Variants in EBF1 observed in about 807,000 individuals in gnomAD.
The protein encoded by EBF1 is EBF transcription factor 1.
In EBF1, 10 loss-of-function variants were observed where a neutral mutation model predicts 68.4. The ratio of observed to expected loss-of-function variants is 0.15; its 90% CI spans 0.09 to 0.25. EBF1 has a LOEUF of 0.25. EBF1 is among the 10% of genes least tolerant of loss of function. The pLI is 1.00. For synonymous variants in EBF1, 298 were observed against 299.8 expected, an observed-to-expected ratio of 0.99 and a Z score of 0.06; for missense variants, 509 against 794.4, an observed-to-expected ratio of 0.64 and a Z score of 4.32.
At chr5:158,796,643 T>G (rs1481669360) in intron 8 of EBF1, among the ~76,000 whole-genome samples, 168 bp from the exon 9 acceptor site, 16 of 152,190 alleles carry the variant, frequency 1.1e-4, no homozygotes, top group Admixed American at 9.8e-4. Flanking sequence ...AACTTCAGGG[T>G]GCAACTTCAG....
intron 11 of EBF1, among the ~76,000 whole-genome samples, chr5:158,725,134 C>A (rs1042288782): frequency 6.6e-6 from 1 of 152,128 alleles, no homozygotes; most frequent in South Asian, 2.1e-4. Flanking sequence ...GAGAAGCTAC[C>A]GTGAGGATTT....
intron 10 of EBF1, among the ~76,000 whole-genome samples, chr5:158,764,992 T>C (rs1264787859): frequency 6.6e-6 from 1 of 152,186 alleles, no homozygotes; most frequent in Non-Finnish European, 1.5e-5. Context: ...TGAGAAAGGC[T>C]TTGTCAACTA....
intron 6 of EBF1, among the ~76,000 whole-genome samples, chr5:159,047,723 A>C (rs568695580): frequency 6.6e-6 from 1 of 152,280 alleles, no homozygotes; most frequent in East Asian, 1.9e-4. Context: ...AAGGTCCTTC[A>C]CACATCAGCC....
At chr5:159,000,313 G>A (rs1335279850) in intron 6 of EBF1, among the ~76,000 whole-genome samples, 2 of 152,016 alleles carry the variant, frequency 1.3e-5, no homozygotes, top group Non-Finnish European at 2.9e-5. Context: ...CATCTTCGTA[G>A]TATTCTTTGA....
intron 10 of EBF1, among the ~76,000 whole-genome samples, chr5:158,755,001 T>A (rs1035234629): frequency 2.6e-5 from 4 of 151,962 alleles, no homozygotes; most frequent in Non-Finnish European, 5.9e-5. Context: ...GGAGATAAGG[T>A]ATTAAGAGGA....
At chr5:158,915,016 C>A (rs1423795653) in intron 6 of EBF1, among the ~76,000 whole-genome samples, 2 of 152,046 alleles carry the variant, frequency 1.3e-5, no homozygotes, top group Non-Finnish European at 2.9e-5. Flanking sequence ...AATTTTAGTT[C>A]ATAAGTAATT....
In EBF1 at chr5:158,708,068, A is replaced by G. The variant is rs767312110; in HGVS notation, c.1655T>C (p.Val552Ala). ...TGGTGCGAAAGCACTCTTCTGTTTC[A>G]CGGCTGAGACCATGTTGGCTGGTGA... is the stretch of plus-strand genomic sequence containing the variant. Reference protein sequence around the residue: ...SFSPANMVSAVKQKSAFAPVV... With the variant: ...SFSPANMVSAAKQKSAFAPVV... The change falls in exon 15 of 16, where the codon GTG becomes GCG. Residue 552 changes from valine to alanine, a missense_variant. Transcript: ENST00000313708. 10 of 1,566,506 alleles carry G rather than the reference A, an allele frequency of 6.4e-6. No homozygotes were observed. The highest frequency in any genetic ancestry group is 8.7e-7 in the Non-Finnish European group (1 of 1,154,890).
At position 158,849,408 on chromosome 5, in the gene EBF1, C is replaced by T. The variant is rs1276411239; in HGVS notation, c.555-9298G>A. On this transcript the variant is annotated intron_variant, in intron 6 of 15. Transcript: ENST00000313708. Reference sequence around the variant, plus strand: ...TGAAATGCCTCCCTCACTCCCACACCATCTCAGCTTCCCATCATCCCACTT... The same window carrying T: ...TGAAATGCCTCCCTCACTCCCACACTATCTCAGCTTCCCATCATCCCACTT... Among the ~76,000 whole-genome samples the T allele has an allele frequency of 1.3e-5, 2 of 152,184 alleles. 1 individual carries two copies. Among genetic ancestry groups the T allele is most frequent in the Non-Finnish European group, 2.9e-5 (2 of 68,032 alleles).
chr5:158,833,346 ACT>A (rs1788038215), intron 7 of EBF1, among the ~76,000 whole-genome samples: 1 of 151,656 alleles, frequency 6.6e-6, no homozygotes, highest in Admixed American at 6.6e-5. Context: ...CCCACCCCAC[ACT>A]GTTTTTCTCT....
At chr5:159,044,891 T>C (rs1301736822) in intron 6 of EBF1, among the ~76,000 whole-genome samples, 1 of 152,176 alleles carries the variant, frequency 6.6e-6, no homozygotes, top group African/African-American at 2.4e-5. Context: ...ATTTGTTAAT[T>C]TCTATAAACA....
At chr5:158,745,791 G>A (rs1183641331) in intron 10 of EBF1, among the ~76,000 whole-genome samples, 1 of 152,208 alleles carries the variant, frequency 6.6e-6, no homozygotes, top group Non-Finnish European at 1.5e-5. Context: ...TGAAAATAAT[G>A]TTGGCTGTTG....
intron 8 of EBF1, among the ~76,000 whole-genome samples, chr5:158,808,773 A>G (rs910994353): frequency 1.3e-5 from 2 of 152,136 alleles, no homozygotes; most frequent in African/African-American, 4.8e-5. Flanking sequence ...GAAAATAGGG[A>G]AGAAGAAAAG....
chr5:158,971,776 T>A (rs1755703210), intron 6 of EBF1, among the ~76,000 whole-genome samples: 1 of 152,156 alleles, frequency 6.6e-6, no homozygotes, highest in Admixed American at 6.5e-5. Context: ...CATCCAGCAC[T>A]GTCTTCAAGA....
At chr5:158,787,520 T>G (rs1012245483) in intron 9 of EBF1, among the ~76,000 whole-genome samples, 5 of 152,232 alleles carry the variant, frequency 3.3e-5, no homozygotes, top group Admixed American at 2.6e-4. Flanking sequence ...TTTAGGGAGT[T>G]GAGATTATTA....
intron 6 of EBF1, among the ~76,000 whole-genome samples, chr5:158,952,255 T>A (rs1383587564): frequency 6.6e-6 from 1 of 152,150 alleles, no homozygotes; most frequent in African/African-American, 2.4e-5. Flanking sequence ...AAGGCGATAA[T>A]TAACCCATTT....
chr5:158,753,981 A>T (rs1208082833), intron 10 of EBF1, among the ~76,000 whole-genome samples: 1 of 151,524 alleles, frequency 6.6e-6, no homozygotes, highest in Non-Finnish European at 1.5e-5. Context: ...GTATTTGCTA[A>T]TTTTTTTTCT....
intron 7 of EBF1, among the ~76,000 whole-genome samples, chr5:158,828,755 A>G (rs1786789777): frequency 6.6e-6 from 1 of 152,226 alleles, no homozygotes; most frequent in Non-Finnish European, 1.5e-5. Flanking sequence ...GTGAATAAAA[A>G]TCTCAACTAA....
chr5:159,062,529 A>G (rs1309262839), intron 6 of EBF1, among the ~76,000 whole-genome samples: 3 of 152,134 alleles, frequency 2.0e-5, no homozygotes, highest in Non-Finnish European at 2.9e-5. Flanking sequence ...TTCAATCTCC[A>G]GAGTATCAGG....
At chr5:158,799,047 C>T (rs564828880) in intron 8 of EBF1, among the ~76,000 whole-genome samples, 8 of 152,218 alleles carry the variant, frequency 5.3e-5, no homozygotes, top group African/African-American at 1.7e-4. Context: ...GTGACACCTC[C>T]CCACTGACAA....
Sources: gnomAD v4.1 joint callset for allele counts (sites outside exome capture counted in the v4.1 genomes callset) on GRCh38, gnomAD v4.1.1 for gene constraint, MANE v1.5 for transcripts, NCBI Gene and HGNC (gene_info 2026-07-23, HGNC 2026-07-21) for gene names.